The following NECAB1 variants were observed in gnomAD, a reference collection of about 807,000 sequenced individuals.
The protein encoded by NECAB1 is N-terminal EF-hand calcium binding protein 1.
In NECAB1, 29 loss-of-function variants were observed where a neutral mutation model predicts 57.5. The ratio of observed to expected loss-of-function variants is 0.50; its 90% CI spans 0.38 to 0.69. The LOEUF is 0.69. Ranked by LOEUF, NECAB1 falls within the 30% of genes least tolerant of loss-of-function variation. The pLI is 0.00. For synonymous variants in NECAB1, 142 were observed against 147.7 expected (o/e 0.96, Z 0.28); for missense variants, 372 against 413.8 (o/e 0.90, Z 0.88).
chr8:90,877,942 G>T (rs6471261), intron 4 of NECAB1, among the ~76,000 whole-genome samples: 66,721 of 151,962 alleles, frequency 0.44, 17,228 homozygotes, highest in East Asian at 0.77. Context: ...TGAGTATCCA[G>T]CAGGTTAAGT....
intron 7 of NECAB1, among the ~76,000 whole-genome samples, 152 bp downstream of exon 7, chr8:90,925,808 T>C (rs1398901914): frequency 6.6e-6 from 1 of 152,182 alleles, no homozygotes; most frequent in Admixed American, 6.5e-5. Flanking sequence ...AAGAGTGTAG[T>C]ATGAAGAACT....
chr8:90,818,645 G>C (rs191751861), intron 2 of NECAB1, among the ~76,000 whole-genome samples: 92 of 152,032 alleles, frequency 6.1e-4, no homozygotes, highest in African/African-American at 2.2e-3. Flanking sequence ...TTTTCTTCTT[G>C]TTCTGTCTAC....
At chr8:90,854,560 G>T (rs973676086) in intron 3 of NECAB1, among the ~76,000 whole-genome samples, 1 of 152,146 alleles carries the variant, frequency 6.6e-6, no homozygotes, top group African/African-American at 2.4e-5. Flanking sequence ...TGTTATAACT[G>T]GGAGACTTCA....
At chr8:90,839,665 T>C (rs1812424675) in intron 3 of NECAB1, among the ~76,000 whole-genome samples, 1 of 152,076 alleles carries the variant, frequency 6.6e-6, no homozygotes, top group South Asian at 2.1e-4. Context: ...ATAGCACATA[T>C]GGAAGCCTGT....
At chr8:90,900,856 T>A (rs1286344721) in intron 5 of NECAB1, among the ~76,000 whole-genome samples, 1 of 152,228 alleles carries the variant, frequency 6.6e-6, no homozygotes, top group African/African-American at 2.4e-5. Flanking sequence ...ACTTGAAATT[T>A]CTTTTTGTTG....
At chr8:90,838,949 T>C (rs1221997959) in intron 3 of NECAB1, among the ~76,000 whole-genome samples, 1 of 152,214 alleles carries the variant, frequency 6.6e-6, no homozygotes, top group Non-Finnish European at 1.5e-5. Context: ...TTTCTTAACC[T>C]GGGTAAAATC....
intron 10 of NECAB1, among the ~76,000 whole-genome samples, chr8:90,947,643 C>T (rs1456007821): frequency 4.6e-5 from 7 of 152,094 alleles, no homozygotes; most frequent in African/African-American, 9.7e-5. Context: ...TCAAGTGATC[C>T]GCCCACCTTG....
chr8:90,925,732 C>A, intron 7 of NECAB1, 76 bp downstream of exon 7: 8 of 1,559,456 alleles, frequency 5.1e-6, no homozygotes, highest in Non-Finnish European at 7.0e-6. Context: ...TTTTAACAAA[C>A]AACAGATAAG....
intron 3 of NECAB1, among the ~76,000 whole-genome samples, chr8:90,830,470 C>T (rs1372667694): frequency 6.6e-6 from 1 of 152,078 alleles, no homozygotes; most frequent in African/African-American, 2.4e-5. Context: ...CAGAGTACAT[C>T]AGACTAACAT....
intron 5 of NECAB1, among the ~76,000 whole-genome samples, chr8:90,906,307 G>C (rs958029205): frequency 6.6e-6 from 1 of 152,134 alleles, no homozygotes; most frequent in African/African-American, 2.4e-5. Context: ...GTTTTCAGGA[G>C]AGAGTTTTGC....
At chr8:90,946,712 A>G (rs1010106195) in intron 10 of NECAB1, among the ~76,000 whole-genome samples, 2 of 152,138 alleles carry the variant, frequency 1.3e-5, no homozygotes, top group African/African-American at 4.8e-5. Flanking sequence ...CTCTCCTCTC[A>G]TGTCTGATCC....
At chr8:90,798,966 GT>G (rs377126869) in intron 1 of NECAB1, among the ~76,000 whole-genome samples, 139 of 151,538 alleles carry the variant, frequency 9.2e-4, no homozygotes, top group African/African-American at 3.2e-3. Flanking sequence ...ATGTGGTTGT[GT>G]TTTTTTTGAC....
At chr8:90,939,657 G>C (rs200221228) in intron 9 of NECAB1, among the ~76,000 whole-genome samples, 1 of 152,100 alleles carries the variant, frequency 6.6e-6, no homozygotes, top group African/African-American at 2.4e-5. Context: ...TTGTGAAAAG[G>C]ATATATCCAT....
At chr8:90,892,661 C>T (rs889832221) in intron 5 of NECAB1, among the ~76,000 whole-genome samples, 28 of 152,306 alleles carry the variant, frequency 1.8e-4, no homozygotes, top group Middle Eastern at 3.4e-3. Flanking sequence ...CTTCTTCCCT[C>T]GCAACCCACT....
chr8:90,853,256 G>A (rs574284132), intron 3 of NECAB1, among the ~76,000 whole-genome samples: 17 of 152,358 alleles, frequency 1.1e-4, no homozygotes, highest in South Asian at 6.2e-4. Context: ...TCCAGCACTC[G>A]TGGACTCCAG....
intron 3 of NECAB1, among the ~76,000 whole-genome samples, chr8:90,848,009 G>A (rs1162109192): frequency 6.6e-6 from 1 of 152,210 alleles, no homozygotes; most frequent in African/African-American, 2.4e-5. Flanking sequence ...TCTGTAGCAG[G>A]CTTGAATTTC....
chr8:90,803,410 G>T (rs1456549015), intron 2 of NECAB1, among the ~76,000 whole-genome samples: 2 of 152,034 alleles, frequency 1.3e-5, no homozygotes, highest in Non-Finnish European at 2.9e-5. Context: ...AGTTTTCTCA[G>T]GCTATACTTT....
intron 3 of NECAB1, among the ~76,000 whole-genome samples, chr8:90,846,230 TCAA>T (rs1317676764): frequency 6.6e-6 from 1 of 152,250 alleles, no homozygotes; most frequent in African/African-American, 2.4e-5. Flanking sequence ...ATATTGCATT[TCAA>T]TAGGTACCCT....
intron 3 of NECAB1, among the ~76,000 whole-genome samples, chr8:90,829,208 A>G (rs746996059): frequency 6.6e-6 from 1 of 152,062 alleles, no homozygotes; most frequent in African/African-American, 2.4e-5. Context: ...CCTAGCAAAA[A>G]CTAAATCTAT....
Sources: allele counts gnomAD v4.1 joint callset (sites outside exome capture counted in the v4.1 genomes callset), GRCh38; gene constraint gnomAD v4.1.1; transcripts MANE v1.5; gene names NCBI Gene and HGNC (gene_info 2026-07-23, HGNC 2026-07-21).